The following GATA4 variants were observed in gnomAD, a reference collection of about 807,000 sequenced individuals.
GATA4 encodes the protein transcription factor GATA-4.
A neutral mutation model predicts 37.9 loss-of-function variants in GATA4; 7 were observed. The observed-to-expected ratio is 0.18, with a 90% CI of 0.11 to 0.35. The LOEUF is 0.35. Among genes scored for constraint, GATA4 ranks in the 10% least tolerant of loss-of-function variants. GATA4 has a pLI of 1.00. For synonymous variants in GATA4, 372 were observed against 292.6 expected (o/e 1.27, Z -2.77); for missense variants, 647 against 653.0 (o/e 0.99, Z 0.10).
chr8:11,702,770 C>T (rs190439026), upstream of GATA4, among the ~76,000 whole-genome samples: 23 of 152,240 alleles, frequency 1.5e-4, no homozygotes, highest in Middle Eastern at 6.8e-3. This position sits in a 1 kb window ranked among gnomAD's most constrained non-coding sequence, Gnocchi z 4.4. Context: ...GCCGTGCGTC[C>T]AGCCTGTGCG....
chr8:11,729,278 GA>G (rs904249999), intron 2 of GATA4, among the ~76,000 whole-genome samples: 2 of 151,672 alleles, frequency 1.3e-5, no homozygotes. Flanking sequence ...TGAACAAAAA[GA>G]AAAAATGCAG....
chr8:11,682,453 G>A (rs1219917663), intron 1 of GATA4, among the ~76,000 whole-genome samples: 2 of 152,176 alleles, frequency 1.3e-5, no homozygotes, highest in East Asian at 3.8e-4. Context: ...GTTTTAGGTA[G>A]AATTTGTTGT....
intron 3 of GATA4, 83 bp from the exon 4 acceptor site, chr8:11,750,028 C>T: frequency 2.5e-6 from 4 of 1,602,206 alleles, no homozygotes; most frequent in African/African-American, 1.3e-5. Context: ...GTTAGGGAGG[C>T]CCAGCTCCGC....
At chr8:11,679,176 T>G (rs1227440202) in intron 1 of GATA4, among the ~76,000 whole-genome samples, 1 of 41,710 alleles carries the variant, frequency 2.4e-5, no homozygotes, top group African/African-American at 4.6e-5. Context: ...ATCCGAATAA[T>G]TGCGGGGGGG....
chr8:11,743,363 C>T (rs73666003), intron 2 of GATA4, among the ~76,000 whole-genome samples: 2 of 152,348 alleles, frequency 1.3e-5, no homozygotes, highest in Non-Finnish European at 2.9e-5. Flanking sequence ...GGGGCTGAGA[C>T]CCATCAACTC....
chr8:11,756,595 TTA>T (rs1170861305), intron 5 of GATA4: 1 of 394,502 alleles, frequency 2.5e-6, no homozygotes, highest in Admixed American at 3.7e-5. Context: ...TTGTATTTCA[TTA>T]TAGAGTATTA....
At chr8:11,724,063 T>G (rs1800802364) in intron 2 of GATA4, among the ~76,000 whole-genome samples, 1 of 152,220 alleles carries the variant, frequency 6.6e-6, no homozygotes, top group Non-Finnish European at 1.5e-5. Flanking sequence ...GACACAGTAT[T>G]CTCTTGTGAC....
chr8:11,713,320 A>G (rs1021625884), intron 2 of GATA4, among the ~76,000 whole-genome samples: 3 of 152,140 alleles, frequency 2.0e-5, no homozygotes, highest in African/African-American at 7.2e-5. Flanking sequence ...GAATTATGTG[A>G]CCTTACTGAG....
intron 1 of GATA4, chr8:11,681,252 G>C: frequency 2.0e-6 from 2 of 985,428 alleles, no homozygotes; most frequent in Non-Finnish European, 2.4e-6. Context: ...CAGCTCGTCT[G>C]GGAGCGACTG....
chr8:11,724,023 C>T (rs1585629754), intron 2 of GATA4, among the ~76,000 whole-genome samples: 1 of 152,174 alleles, frequency 6.6e-6, no homozygotes, highest in Non-Finnish European at 1.5e-5. Flanking sequence ...TTCTGTCTCT[C>T]TGAATGTAAC....
At chr8:11,716,884 C>T (rs1166693502) in intron 2 of GATA4, among the ~76,000 whole-genome samples, 2 of 152,230 alleles carry the variant, frequency 1.3e-5, no homozygotes, top group African/African-American at 4.8e-5. Flanking sequence ...CTGCTTGTGT[C>T]TGCATAAGAA....
At chr8:11,745,407 C>A (rs1321072559) in intron 2 of GATA4, among the ~76,000 whole-genome samples, 1 of 75,204 alleles carries the variant, frequency 1.3e-5, no homozygotes, top group Non-Finnish European at 2.3e-5. Flanking sequence ...GAGCTTGTCT[C>A]TACCAAAAAA....
intron 2 of GATA4, among the ~76,000 whole-genome samples, chr8:11,745,692 G>T (rs540154067): frequency 6.6e-6 from 1 of 152,108 alleles, no homozygotes; most frequent in Non-Finnish European, 1.5e-5. Flanking sequence ...TCTCCCCTCC[G>T]AACAAGAGGA....
intron 1 of GATA4, among the ~76,000 whole-genome samples, chr8:11,693,562 CAGAGAGAGAGAG>C (rs139631153): frequency 4.8e-4 from 35 of 72,230 alleles, no homozygotes; most frequent in South Asian, 7.2e-4. Flanking sequence ...CACACACACA[CAGAGAGAGAGAG>C]AGAGAGAGAG....
At chr8:11,704,701 A>G (rs1799814859) in intron 1 of GATA4, among the ~76,000 whole-genome samples, 1 of 152,172 alleles carries the variant, frequency 6.6e-6, no homozygotes, top group Non-Finnish European at 1.5e-5. Flanking sequence ...CAGCTCGCAC[A>G]TGGAGGGAAG....
intron 2 of GATA4, among the ~76,000 whole-genome samples, chr8:11,737,830 G>T (rs906953503): frequency 3.9e-5 from 6 of 152,198 alleles, no homozygotes; most frequent in Non-Finnish European, 8.8e-5. Flanking sequence ...AAATGTTACT[G>T]CATGAAAGAG....
At chr8:11,687,423 T>G (rs1484602107) in intron 1 of GATA4, among the ~76,000 whole-genome samples, 1 of 151,364 alleles carries the variant, frequency 6.6e-6, no homozygotes, top group Non-Finnish European at 1.5e-5. Flanking sequence ...ATCCGGGAGG[T>G]CAAGCAATCC....
In GATA4 at chr8:11,749,188, C is replaced by A; in HGVS notation, c.786+103C>A. The A allele has an allele frequency of 1.7e-6, 2 of 1,152,898 alleles. No individual in the cohort carries two copies. Among genetic ancestry groups the A allele is most frequent in the African/African-American group, 1.5e-5 (1 of 65,542 alleles). The allele number at this position is 1,152,898 out of a possible 1,614,324, so 71.4% of individuals were successfully genotyped here. On this transcript the variant is annotated intron_variant, in intron 3 of 6. Coordinates refer to ENST00000532059, the MANE Select transcript of GATA4 (RefSeq NM_001308093.3). The surrounding 1 kb of genome is among the most constrained non-coding windows in gnomAD (Gnocchi z 4.6). ...AATTTTGGAACTTGAGGGTGTGCATCGGGGATTACGTGGGTGAGAGCCCCA... is the reference window on the plus strand; with the variant it reads ...AATTTTGGAACTTGAGGGTGTGCATAGGGGATTACGTGGGTGAGAGCCCCA...
At chr8:11,679,371 C>G (rs890299204) in intron 1 of GATA4, among the ~76,000 whole-genome samples, 1 of 152,180 alleles carries the variant, frequency 6.6e-6, no homozygotes, top group Non-Finnish European at 1.5e-5. Context: ...TCGCGCCGCA[C>G]GACTGTAGGT....
Sources: allele counts gnomAD v4.1 joint callset (sites outside exome capture counted in the v4.1 genomes callset), GRCh38; gene constraint gnomAD v4.1.1; non-coding constraint Gnocchi (gnomAD v3.1); transcripts MANE v1.5; gene names NCBI Gene and HGNC (gene_info 2026-07-23, HGNC 2026-07-21).